The following CUX1 variants were observed in gnomAD, a reference collection of about 807,000 sequenced individuals.
CUX1 encodes cut like homeobox 1, also known as protein CASP.
A neutral mutation model predicts 158.8 loss-of-function variants in CUX1; 31 were observed. The observed-to-expected ratio is 0.20, with a 90% CI of 0.15 to 0.26. The LOEUF (loss-of-function observed/expected upper bound fraction) is 0.26. Ranked by LOEUF, CUX1 falls within the 10% of genes least tolerant of loss-of-function variation. The pLI, the probability that CUX1 is intolerant of heterozygous loss-of-function variation, is 1.00. For missense variants in CUX1, 1,589 were observed against 2,014.6 expected, an observed-to-expected ratio of 0.79 and a Z score of 4.04; for synonymous variants, 879 against 862.1, an observed-to-expected ratio of 1.02 and a Z score of -0.34.
At position 102,201,991 on chromosome 7, in the gene CUX1, C is replaced by A. The variant is rs966203796; in HGVS notation, c.2694C>A (p.Thr898=). The A allele has an allele frequency of 6.2e-7, 1 of 1,613,964 alleles. No homozygotes were observed. The highest frequency in any genetic ancestry group is 8.5e-7 in the Non-Finnish European group (1 of 1,179,990). The change falls in exon 18 of 24, where the codon ACC becomes ACA. Residue 898 remains threonine, a synonymous_variant. Transcript: ENST00000292535. This position sits in a 1 kb window ranked among gnomAD's most constrained non-coding sequence, Gnocchi z 5.0. ...PYSQSSELSL[T]GASRSETPQN... ...CCCAGAGCTCAGAGCTGAGTCTGAC[C>A]GGGGCCAGCCGCAGCGAGACACCAC...
chr7:102,279,115 C>G (rs994833250), intron 18 of CUX1, among the ~76,000 whole-genome samples: 4 of 151,412 alleles, frequency 2.6e-5, no homozygotes, highest in Non-Finnish European at 4.4e-5. Flanking sequence ...CTGAGGCGGG[C>G]GGATCATTTG....
In CUX1 at chr7:101,972,399, G is replaced by A. The variant is rs1187292711; in HGVS notation, c.142-55699G>A. On this transcript the variant is annotated intron_variant, in intron 2 of 23. Coordinates refer to ENST00000292535, the MANE Select transcript of CUX1 (RefSeq NM_181552.4). ...TAGTCTTTTTAGACACATACCGTTC[G>A]GGGACAAAGAGATCGATCAGAATTT... is the stretch of plus-strand genomic sequence containing the variant. Among the ~76,000 whole-genome samples, 5 of 152,140 alleles carry A rather than the reference G, an allele frequency of 3.3e-5. No homozygotes were observed. The South Asian group carries it at 8.3e-4, about 25-fold the overall frequency.
chr7:102,236,218 C>T (rs1001621610), intron 22 of CUX1, among the ~76,000 whole-genome samples: 2 of 152,200 alleles, frequency 1.3e-5, no homozygotes, highest in Admixed American at 6.5e-5. Flanking sequence ...CGAGCTGCCC[C>T]CCTGGGATGA....
At chr7:102,002,344 C>CT (rs1816780258) in intron 2 of CUX1, among the ~76,000 whole-genome samples, 2 of 152,124 alleles carry the variant, frequency 1.3e-5, no homozygotes, top group South Asian at 4.1e-4. Context: ...GTGGTTGCAA[C>CT]TTTTGCACAT....
chr7:101,825,476 T>C (rs548483149), intron 1 of CUX1, among the ~76,000 whole-genome samples: 1 of 152,282 alleles, frequency 6.6e-6, no homozygotes, highest in East Asian at 1.9e-4. Flanking sequence ...TGGAGAGCTG[T>C]GCTGCGGAAT....
chr7:102,117,012 A>T (rs112406468), intron 8 of CUX1, among the ~76,000 whole-genome samples: 2,232 of 152,282 alleles, frequency 0.015, 49 homozygotes, highest in African/African-American at 0.049. Context: ...CAGCATGCCC[A>T]GTGCTGCAAT....
rs372513434 is a variant in CUX1 at position 102,132,306 on chromosome 7, T to C, written c.674+17033T>C. Among the ~76,000 whole-genome samples the C allele has an allele frequency of 6.7e-3, 25 of 3,726 alleles. No individual in the cohort carries two copies. The East Asian group carries it at 0.088, about 13-fold the overall frequency. The allele number at this position is 3,726 out of a possible 152,430, so 2.4% of individuals were successfully genotyped here. On this transcript the variant is annotated intron_variant, in intron 8 of 23. Coordinates refer to ENST00000292535, the MANE Select transcript of CUX1 (RefSeq NM_181552.4). The stretch of plus-strand genomic sequence containing the variant: ...ATGAGAGAGAGAGTGTGTGTGTGTG[T>C]GTGCGCGCGCGCGCGCGCACGCCAC...
chr7:102,196,987 A>G lies in CUX1; in HGVS notation c.1576A>G (p.Ser526Gly). The G allele has an allele frequency of 6.2e-7, 1 of 1,614,230 alleles. No homozygotes were observed. The highest frequency in any genetic ancestry group is 8.5e-7 in the Non-Finnish European group (1 of 1,180,042). ...ATCTTCCCAAAGTCCATTACAACAA[A>G]GCCCAGATGTCAATGGCATGGCCCC... Reference protein sequence around the residue: ...SISSQSPLQQSPDVNGMAPSP... With the variant: ...SISSQSPLQQGPDVNGMAPSP... The change falls in exon 15 of 24, where the codon AGC becomes GGC. Residue 526 changes from serine (S) to glycine (G), a missense_variant. Ser to Gly is a moderately conservative substitution (Grantham distance 56). This residue lies in a region of CUX1 where 515 missense variants were observed against 574.4 expected (regional missense o/e 0.90). Transcript: ENST00000292535.
At chr7:102,069,851 A>G (rs1825938609) in intron 3 of CUX1, among the ~76,000 whole-genome samples, 1 of 152,186 alleles carries the variant, frequency 6.6e-6, no homozygotes, top group Non-Finnish European at 1.5e-5. Flanking sequence ...ATGCTTTTTA[A>G]GACTCTGCTC....
chr7:102,114,109 T>TGGAA (rs1255273955), intron 7 of CUX1, among the ~76,000 whole-genome samples: 1 of 152,110 alleles, frequency 6.6e-6, no homozygotes, highest in Non-Finnish European at 1.5e-5. Context: ...GGTCCACATG[T>TGGAA]GGAAGGACTC....
At chr7:102,234,695 G>A (rs1430174925) in intron 22 of CUX1, among the ~76,000 whole-genome samples, 3 of 151,362 alleles carry the variant, frequency 2.0e-5, no homozygotes, top group East Asian at 1.9e-4. Flanking sequence ...TGAGGCAGGC[G>A]GATCACTTGA....
rs1372432917 is a variant in CUX1 at position 102,257,386 on chromosome 7, C to G, written c.*8344C>G. ...TCTTCTGCCTCTTCCCTTGAGAAAA[C>G]GGGCATCTCACGTACCCCCATCTGA... On this transcript the variant is annotated 3_prime_UTR_variant, in exon 24 of 24. Coordinates refer to ENST00000292535, the MANE Select transcript of CUX1 (RefSeq NM_181552.4). 20 of 983,966 alleles carry G rather than the reference C, an allele frequency of 2.0e-5. No individual in the cohort carries two copies. Among genetic ancestry groups the G allele is most frequent in the Non-Finnish European group, 2.4e-5 (20 of 829,742 alleles). The allele number at this position is 983,966 out of a possible 1,614,324, so 61.0% of individuals were successfully genotyped here. A position where few individuals can be genotyped will look rare whatever the true frequency, so the allele number is the denominator to read the frequency against.
intron 2 of CUX1, among the ~76,000 whole-genome samples, chr7:101,989,242 G>A (rs902853545): frequency 1.1e-4 from 17 of 152,128 alleles, no homozygotes; most frequent in African/African-American, 3.6e-4. Flanking sequence ...CTGCAGAACC[G>A]GAGACCTCAG....
intron 8 of CUX1, among the ~76,000 whole-genome samples, chr7:102,147,138 TG>T (rs1835105666): frequency 1.3e-5 from 2 of 151,574 alleles, no homozygotes; most frequent in African/African-American, 4.9e-5. Context: ...TGGGGAGGGG[TG>T]GGGCCACCGT....
intron 2 of CUX1, among the ~76,000 whole-genome samples, chr7:101,955,268 T>G (rs1809621108): frequency 6.6e-6 from 1 of 152,182 alleles, no homozygotes; most frequent in Admixed American, 6.5e-5. Context: ...ACCATTGCTG[T>G]GACACAGGTG....
At chr7:101,918,670 A>G (rs1020688233) in intron 2 of CUX1, among the ~76,000 whole-genome samples, 2 of 152,214 alleles carry the variant, frequency 1.3e-5, no homozygotes, top group Admixed American at 6.5e-5. Context: ...TTTCTCATCC[A>G]AGGACCAACC....
intron 3 of CUX1, among the ~76,000 whole-genome samples, chr7:102,052,645 C>T (rs1340028379): frequency 6.6e-6 from 1 of 152,130 alleles, no homozygotes; most frequent in Non-Finnish European, 1.5e-5. Flanking sequence ...TTTTGTCTTT[C>T]TTGCCTACCT....
At chr7:101,855,938 G>A (rs1189080534) in intron 1 of CUX1, among the ~76,000 whole-genome samples, 1 of 150,916 alleles carries the variant, frequency 6.6e-6, no homozygotes, top group Admixed American at 6.6e-5. Context: ...CCAGCACGTT[G>A]GGAGGCTGAG....
intron 2 of CUX1, among the ~76,000 whole-genome samples, chr7:101,972,608 C>T (rs1441897295): frequency 6.6e-6 from 1 of 152,200 alleles, no homozygotes; most frequent in East Asian, 1.9e-4. Flanking sequence ...CTGCTGGTGG[C>T]CCTTTCTGCT....
Sources: allele counts gnomAD v4.1 joint callset (sites outside exome capture counted in the v4.1 genomes callset), GRCh38; gene constraint gnomAD v4.1.1; regional missense constraint gnomAD v4.1.1; non-coding constraint Gnocchi (gnomAD v3.1); transcripts MANE v1.5; gene names NCBI Gene and HGNC (gene_info 2026-07-23, HGNC 2026-07-21).